PUDP: variants seen among roughly 807,000 people sequenced by gnomAD.
PUDP encodes the protein pseudouridine 5'-phosphatase, also known as pseudouridine-5'-phosphatase.
In PUDP, 8 loss-of-function variants were observed where a neutral mutation model predicts 9.4. The observed-to-expected ratio is 0.85, with a 90% CI of 0.50 to 1.53. The LOEUF (loss-of-function observed/expected upper bound fraction) is 1.53, where lower values mean the gene tolerates loss of function less well. Among genes scored for constraint, PUDP ranks in the 40% most tolerant of loss-of-function variants. PUDP has a pLI of 0.00. For missense variants in PUDP, 188 were observed against 189.7 expected, an observed-to-expected ratio of 0.99 and a Z score of 0.05; for synonymous variants, 99 against 80.7, an observed-to-expected ratio of 1.23 and a Z score of -1.22.
chrX:7,049,338 G>C lies in PUDP; in HGVS notation c.*958C>G, dbSNP rs1212142468. On this transcript the variant is annotated 3_prime_UTR_variant, in exon 4 of 4. Coordinates refer to ENST00000381077, the MANE Select transcript of PUDP (RefSeq NM_012080.5). Reference sequence around the variant, plus strand: ...GATTAATCACAGAAGTTCAATGTCTGATAAATTATTCCAAAAGTGTTCCTG... The same window carrying C: ...GATTAATCACAGAAGTTCAATGTCTCATAAATTATTCCAAAAGTGTTCCTG... The C allele has an allele frequency of 8.9e-6, 1 of 112,529 alleles. No individual in the cohort carries two copies. The highest frequency in any genetic ancestry group is 2.8e-4 in the East Asian group (1 of 3,586). The allele number at this position is 112,529 out of a possible 1,213,427, so 9.3% of individuals were successfully genotyped here.
chrX:6,763,217 C>T (rs1360697629), intron 3 of PUDP, among the ~76,000 whole-genome samples: 2 of 111,744 alleles, frequency 1.8e-5, no homozygotes, highest in Non-Finnish European at 3.8e-5. Flanking sequence ...GGCGAAACTC[C>T]GTCTCCACTA....
intron 2 of PUDP, among the ~76,000 whole-genome samples, chrX:7,082,686 C>G (rs1931137589): frequency 8.9e-6 from 1 of 112,390 alleles, no homozygotes; most frequent in South Asian, 3.7e-4. Flanking sequence ...ATCCCAGGAC[C>G]AGACACACCT....
chrX:6,991,688 A>AAT (rs1467016825), intron 1 of PUDP, among the ~76,000 whole-genome samples: 1 of 107,770 alleles, frequency 9.3e-6, no homozygotes, highest in Non-Finnish European at 1.9e-5. Flanking sequence ...AAAAAAAAAA[A>AAT]AATAAAATAA....
intron 3 of PUDP, among the ~76,000 whole-genome samples, chrX:6,787,327 G>C (rs1241690660): frequency 8.9e-6 from 1 of 112,251 alleles, no homozygotes; most frequent in Non-Finnish European, 1.9e-5. Flanking sequence ...CTAAGTAGAA[G>C]CTGAAACATC....
rs1276096877 is a variant in PUDP at position 7,099,153 on chromosome X, CAAATTA to C, written c.280+6461_280+6466del. Among the ~76,000 whole-genome samples the C allele has an allele frequency of 2.7e-5, 3 of 112,497 alleles. No homozygotes were observed. In the East Asian group the frequency reaches 8.4e-4, roughly 32 times the overall value. ...CTTTCTTCTTATTGGTCTTTGAATC[CAAATTA>C]CCCTCGCTGAGTTATAATGAAATGT... is the stretch of plus-strand genomic sequence containing the variant. On this transcript the variant is annotated intron_variant, in intron 2 of 3. Transcript: ENST00000381077.
chrX:7,113,909 C>A, intron 1 of PUDP, among the ~76,000 whole-genome samples: 1 of 111,177 alleles, frequency 9.0e-6, no homozygotes, highest in East Asian at 2.8e-4. Context: ...ACATTCATTT[C>A]TTACAGTTAT....
At chrX:7,030,150 A>G (rs1391047959) in intron 1 of PUDP, among the ~76,000 whole-genome samples, 1 of 110,927 alleles carries the variant, frequency 9.0e-6, no homozygotes, top group Non-Finnish European at 1.9e-5. Flanking sequence ...TTACTCTGCT[A>G]TAGGAATCTA....
At chrX:6,784,562 T>A (rs932912869) in intron 3 of PUDP, among the ~76,000 whole-genome samples, 8 of 111,719 alleles carry the variant, frequency 7.2e-5, no homozygotes, top group African/African-American at 2.6e-4. Context: ...GGTGCAGGAA[T>A]TACCTGTTCA....
chrX:7,077,099 C>A, intron 3 of PUDP, 121 bp downstream of exon 3: 1 of 1,061,451 alleles, frequency 9.4e-7, no homozygotes, highest in Non-Finnish European at 1.3e-6. Flanking sequence ...TTCTAGGGAG[C>A]ATTGCAAAGT....
intron 1 of PUDP, among the ~76,000 whole-genome samples, chrX:6,999,237 G>A (rs771707543): frequency 1.8e-5 from 2 of 111,530 alleles, no homozygotes; most frequent in African/African-American, 6.5e-5. Flanking sequence ...CATGGGAGCA[G>A]GGCGACTGTG....
At chrX:6,919,858 CAAAAAAAAAAAAAAAAAAAAAAAA>C (rs58441346) in intron 3 of PUDP, among the ~76,000 whole-genome samples, 10 of 26,501 alleles carry the variant, frequency 3.8e-4, no homozygotes, top group African/African-American at 1.0e-3. Flanking sequence ...GACTCCATCT[CAAAAAAAAAAAAAAAAAAAAAAAA>C]AAAAAAAAAA....
intron 3 of PUDP, among the ~76,000 whole-genome samples, chrX:6,908,905 C>T (rs1326280531): frequency 9.0e-6 from 1 of 111,716 alleles, no homozygotes; most frequent in Non-Finnish European, 1.9e-5. Context: ...CATGGCTAGA[C>T]ACCAGAAGCC....
In PUDP at chrX:7,125,741, A is replaced by G. The variant is rs763300091; in HGVS notation, c.62-19903T>C. On this transcript the variant is annotated intron_variant, in intron 1 of 3. Transcript: ENST00000381077. ...AATCATGGCAGAAGATGAAAGGCACATCTCACTTGGCGGCAGACGTGACAG... is the reference window on the plus strand; with the variant it reads ...AATCATGGCAGAAGATGAAAGGCACGTCTCACTTGGCGGCAGACGTGACAG... Among the ~76,000 whole-genome samples the G allele has an allele frequency of 8.9e-5, 10 of 111,973 alleles. No individual in the cohort carries two copies. The South Asian group carries it at 3.0e-3, about 34-fold the overall frequency.
intron 3 of PUDP, among the ~76,000 whole-genome samples, chrX:6,791,977 T>C (rs1411761449): frequency 9.0e-6 from 1 of 111,572 alleles, no homozygotes; most frequent in African/African-American, 3.3e-5. Context: ...ACTCAAGTCA[T>C]CAAATAAATA....
At chrX:7,070,648 G>A (rs1456189415) in intron 3 of PUDP, among the ~76,000 whole-genome samples, 2 of 110,304 alleles carry the variant, frequency 1.8e-5, no homozygotes, top group Non-Finnish European at 1.9e-5. Context: ...GCACAATCTC[G>A]GCTCACTGCA....
At chrX:7,025,171 T>C (rs763378269) in intron 1 of PUDP, among the ~76,000 whole-genome samples, 3 of 111,635 alleles carry the variant, frequency 2.7e-5, no homozygotes, top group African/African-American at 9.8e-5. Flanking sequence ...GTAGGTGTTC[T>C]TCCTGCTTTT....
In PUDP at chrX:6,754,169, A is replaced by G. The variant is rs140389025; in HGVS notation, c.*248-47703T>C. ...TCCCCACATGTCATAGGAAGGACCC[A>G]AAGGAGGTAATTGAATCATGGGGGC... On this transcript the variant is annotated intron_variant and NMD_transcript_variant, in intron 3 of 3. Transcript: ENST00000655425. Among the ~76,000 whole-genome samples, 565 of 111,857 alleles carry G rather than the reference A, an allele frequency of 5.1e-3. 2 individuals are homozygous for G. Among genetic ancestry groups the G allele is most frequent in the Non-Finnish European group, 7.1e-3 (379 of 53,237 alleles).
chrX:7,063,424 G>T, intron 3 of PUDP, among the ~76,000 whole-genome samples: 1 of 111,280 alleles, frequency 9.0e-6, no homozygotes, highest in Non-Finnish European at 1.9e-5. Flanking sequence ...TATCACTTTT[G>T]GGTGTTCAAT....
chrX:6,777,997 TC>T (rs1281662697), intron 3 of PUDP, among the ~76,000 whole-genome samples: 1 of 110,953 alleles, frequency 9.0e-6, no homozygotes, highest in East Asian at 2.8e-4. Flanking sequence ...AAGATACCTG[TC>T]CCCCCGCCAC....
Sources: gnomAD v4.1 joint callset for allele counts (sites outside exome capture counted in the v4.1 genomes callset) on GRCh38, gnomAD v4.1.1 for gene constraint, MANE v1.5 for transcripts, NCBI Gene and HGNC (gene_info 2026-07-23, HGNC 2026-07-21) for gene names.